The following SH3RF3 variants were observed in gnomAD, a reference collection of about 807,000 sequenced individuals.
SH3RF3 encodes E3 ubiquitin-protein ligase SH3RF3.
A neutral mutation model predicts 66.3 loss-of-function variants in SH3RF3; 29 were observed. The observed-to-expected ratio is 0.44, with a 90% CI of 0.33 to 0.60. The LOEUF is 0.60. SH3RF3 is among the 20% of genes least tolerant of loss of function. The probability of loss-of-function intolerance (pLI) is 0.04; values close to 1 mark genes in which losing one functional copy is unlikely to be tolerated. For missense variants in SH3RF3, 1,194 were observed against 1,190.9 expected (o/e 1.00, Z -0.04); for synonymous variants, 583 against 532.0 (o/e 1.10, Z -1.32).
At chr2:109,385,488 A>G (rs1675800430) in intron 3 of SH3RF3, among the ~76,000 whole-genome samples, 1 of 152,228 alleles carries the variant, frequency 6.6e-6, no homozygotes, top group Admixed American at 6.5e-5. Context: ...TCTTGAAAAT[A>G]CAATTTGGAA....
Position 109,416,508 on chromosome 2 carries a change from C to T in SH3RF3, c.1300-3031C>T, listed in dbSNP as rs555650739. Among the ~76,000 whole-genome samples, 5 of 152,258 alleles carry T rather than the reference C, an allele frequency of 3.3e-5. No homozygotes were observed. In the South Asian group the frequency reaches 1.0e-3, roughly 32 times the overall value. On this transcript the variant is annotated intron_variant, in intron 4 of 9. Transcript: ENST00000309415. ...CAAGCAATTTTCCTGCCTCAGCCTC[C>T]CCAGTAGCTGGGATTACAGGCGTGC...
At chr2:109,450,166 C>T (rs1677826783) in intron 8 of SH3RF3, among the ~76,000 whole-genome samples, 1 of 151,928 alleles carries the variant, frequency 6.6e-6, no homozygotes, top group Non-Finnish European at 1.5e-5. Context: ...GCCAACATGG[C>T]AAAACCCCAT....
intron 1 of SH3RF3, among the ~76,000 whole-genome samples, chr2:109,177,884 A>G (rs544066052): frequency 4.5e-4 from 69 of 152,298 alleles, no homozygotes; most frequent in African/African-American, 1.6e-3. Context: ...TGTTTAATTC[A>G]CCTTTCTCCT....
rs1042184495 is a variant in SH3RF3, at chr2:109,423,194, T to TG, written c.1403+3558dup. Among the ~76,000 whole-genome samples, 47 of 151,834 alleles carry TG rather than the reference T, an allele frequency of 3.1e-4. No homozygotes were observed. The South Asian group carries it at 3.6e-3, about 12-fold the overall frequency. On this transcript the variant is annotated intron_variant, in intron 5 of 9. Coordinates refer to ENST00000309415, the MANE Select transcript of SH3RF3 (RefSeq NM_001099289.3). ...GAGCCCAGAGAAAGACTTAGGGAGA[T>TG]GGGGGGTTGGCCTGCAACAGGGAAA...
At chr2:109,312,061 A>C (rs1022243129) in intron 1 of SH3RF3, among the ~76,000 whole-genome samples, 9 of 152,310 alleles carry the variant, frequency 5.9e-5, no homozygotes, top group African/African-American at 1.9e-4. Context: ...GCCATAGACT[A>C]GGGGAACCTT....
chr2:109,312,645 A>G (rs1240135091), intron 1 of SH3RF3, among the ~76,000 whole-genome samples: 1 of 152,232 alleles, frequency 6.6e-6, no homozygotes, highest in Admixed American at 6.5e-5. Flanking sequence ...CCTTTGGTCT[A>G]GCTTCTTTTA....
chr2:109,240,335 A>T (rs141834029), intron 1 of SH3RF3, among the ~76,000 whole-genome samples: 1 of 152,250 alleles, frequency 6.6e-6, no homozygotes, highest in East Asian at 1.9e-4. Context: ...AAAATACAAA[A>T]AAATTAGTCA....
intron 1 of SH3RF3, among the ~76,000 whole-genome samples, chr2:109,289,194 T>G (rs1403770252): frequency 6.6e-6 from 1 of 152,136 alleles, no homozygotes; most frequent in Non-Finnish European, 1.5e-5. Context: ...AAAAGCCCCT[T>G]TCTCTGCTGT....
chr2:109,313,367 CA>C (rs1311658638), intron 1 of SH3RF3, among the ~76,000 whole-genome samples: 13 of 152,230 alleles, frequency 8.5e-5, no homozygotes, highest in Admixed American at 8.5e-4. Context: ...GCCTAATGCA[CA>C]GCCCGGGATG....
chr2:109,425,891 T>C (rs1406741302), intron 5 of SH3RF3, among the ~76,000 whole-genome samples: 6 of 152,136 alleles, frequency 3.9e-5, no homozygotes, highest in Non-Finnish European at 8.8e-5. Flanking sequence ...TCTTTTTCTT[T>C]CTTTCTTTCT....
At chr2:109,493,140 T>C (rs1679175276) in intron 9 of SH3RF3, among the ~76,000 whole-genome samples, 1 of 136,584 alleles carries the variant, frequency 7.3e-6, no homozygotes, top group Non-Finnish European at 1.6e-5. Flanking sequence ...ATACCCCACA[T>C]ACATCATACA....
At chr2:109,174,841 C>T (rs1425892903) in intron 1 of SH3RF3, among the ~76,000 whole-genome samples, 4 of 152,178 alleles carry the variant, frequency 2.6e-5, no homozygotes, top group Non-Finnish European at 4.4e-5. Context: ...GATAGGATAG[C>T]AGGAGCACAG....
intron 3 of SH3RF3, among the ~76,000 whole-genome samples, chr2:109,389,544 A>G (rs1490378113): frequency 6.6e-6 from 1 of 152,200 alleles, no homozygotes; most frequent in Non-Finnish European, 1.5e-5. Context: ...GGACCCAATC[A>G]ATGGATCGTT....
intron 1 of SH3RF3, among the ~76,000 whole-genome samples, chr2:109,167,851 G>T (rs1173850454): frequency 6.6e-6 from 1 of 152,206 alleles, no homozygotes; most frequent in African/African-American, 2.4e-5. Flanking sequence ...GATTACAGGC[G>T]TGAGCCACTG....
chr2:109,174,988 C>T (rs1677883580), intron 1 of SH3RF3, among the ~76,000 whole-genome samples: 1 of 152,124 alleles, frequency 6.6e-6, no homozygotes, highest in South Asian at 2.1e-4. Context: ...ATACCTTTTT[C>T]CAAAACAATA....
At chr2:109,169,838 C>G (rs895825826) in intron 1 of SH3RF3, among the ~76,000 whole-genome samples, 2 of 152,002 alleles carry the variant, frequency 1.3e-5, no homozygotes, top group African/African-American at 4.8e-5. Flanking sequence ...AGGAAGTGGG[C>G]TATATAAAAC....
chr2:109,406,721 G>A (rs997644059), intron 4 of SH3RF3, among the ~76,000 whole-genome samples: 1 of 152,118 alleles, frequency 6.6e-6, no homozygotes, highest in South Asian at 2.1e-4. Context: ...GTTTATTACT[G>A]AGCCCATTAC....
intron 1 of SH3RF3, among the ~76,000 whole-genome samples, chr2:109,154,342 G>A (rs373189781): frequency 6.6e-6 from 1 of 152,172 alleles, no homozygotes; most frequent in African/African-American, 2.4e-5. Context: ...TATCATGGAG[G>A]GGGTGGTTTT....
At chr2:109,238,154 C>G (rs532652409) in intron 1 of SH3RF3, among the ~76,000 whole-genome samples, 12 of 152,216 alleles carry the variant, frequency 7.9e-5, no homozygotes, top group African/African-American at 2.6e-4. Flanking sequence ...GAACCATGAT[C>G]ATGCGGGTGC....
Sources: gnomAD v4.1 joint callset for allele counts (sites outside exome capture counted in the v4.1 genomes callset) on GRCh38, gnomAD v4.1.1 for gene constraint, MANE v1.5 for transcripts, NCBI Gene and HGNC (gene_info 2026-07-23, HGNC 2026-07-21) for gene names.